The following ATP9B variants were observed in gnomAD, a reference collection of about 807,000 sequenced individuals.
The protein encoded by ATP9B is ATPase phospholipid transporting 9B, also known as probable phospholipid-transporting ATPase IIB.
A neutral mutation model predicts 146.1 loss-of-function variants in ATP9B; 110 were observed. That is an observed-to-expected ratio of 0.75 (90% confidence interval 0.65 to 0.88). The LOEUF (loss-of-function observed/expected upper bound fraction) is 0.88. ATP9B is among the 40% of genes least tolerant of loss of function. ATP9B has a pLI of 0.00. For missense variants in ATP9B, 1,499 were observed against 1,496.4 expected, an observed-to-expected ratio of 1.00 and a Z score of -0.03; for synonymous variants, 604 against 569.7, an observed-to-expected ratio of 1.06 and a Z score of -0.86.
intron 13 of ATP9B, among the ~76,000 whole-genome samples, chr18:79,280,401 G>A (rs1157214724): frequency 1.3e-5 from 2 of 151,980 alleles, no homozygotes; most frequent in African/African-American, 2.4e-5. Context: ...TTAATATTAA[G>A]CAAAATAAAC....
intron 7 of ATP9B, among the ~76,000 whole-genome samples, chr18:79,162,887 G>A (rs2094905083): frequency 6.6e-6 from 1 of 152,108 alleles, no homozygotes; most frequent in Admixed American, 6.5e-5. Context: ...TGCTCCGACG[G>A]TGTCCTGTCA....
intron 9 of ATP9B, among the ~76,000 whole-genome samples, chr18:79,198,524 G>A (rs962747170): frequency 1.3e-5 from 2 of 152,248 alleles, no homozygotes; most frequent in African/African-American, 4.8e-5. Context: ...AGACCATTTC[G>A]TCATTGTGCA....
At chr18:79,201,860 C>A (rs762284175) in intron 9 of ATP9B, among the ~76,000 whole-genome samples, 1 of 152,050 alleles carries the variant, frequency 6.6e-6, no homozygotes, top group Non-Finnish European at 1.5e-5. Context: ...TGCCCAGCCC[C>A]TGATTTCTGA....
At chr18:79,152,977 CATTTA>C (rs1415502372) in intron 6 of ATP9B, among the ~76,000 whole-genome samples, 8 of 152,194 alleles carry the variant, frequency 5.3e-5, no homozygotes, top group African/African-American at 1.7e-4. Flanking sequence ...TTAATCCTCA[CATTTA>C]ATTTCTCTCA....
At chr18:79,189,223 T>C (rs2095338491) in intron 8 of ATP9B, among the ~76,000 whole-genome samples, 1 of 152,100 alleles carries the variant, frequency 6.6e-6, no homozygotes, top group Non-Finnish European at 1.5e-5. Context: ...GGTGTGCACC[T>C]GTAATCCCAG....
chr18:79,244,822 C>T (rs146296320), intron 11 of ATP9B, among the ~76,000 whole-genome samples: 25 of 152,282 alleles, frequency 1.6e-4, no homozygotes, highest in African/African-American at 4.3e-4. Context: ...AAAGGAGATG[C>T]GTGCTCTGTA....
At chr18:79,364,756 T>C (rs913955413) in intron 26 of ATP9B, among the ~76,000 whole-genome samples, 6 of 152,184 alleles carry the variant, frequency 3.9e-5, no homozygotes, top group African/African-American at 1.2e-4. Flanking sequence ...TGCAGTGGCT[T>C]ATCATGCCTG....
chr18:79,157,739 C>T (rs1004259106), intron 7 of ATP9B, among the ~76,000 whole-genome samples: 2 of 152,106 alleles, frequency 1.3e-5, no homozygotes, highest in African/African-American at 4.8e-5. Flanking sequence ...ATAATTTGTC[C>T]ACTTTATCTA....
At chr18:79,345,753 T>C (rs2096882694) in intron 22 of ATP9B, 22 bp from the exon 23 acceptor site, 2 of 1,614,192 alleles carry the variant, frequency 1.2e-6, no homozygotes, top group Middle Eastern at 1.6e-4. Context: ...TTTTATTTCA[T>C]CTCACTTTTC....
rs187478142 is a variant in ATP9B at position 79,313,477 on chromosome 18, T to C, written c.1773+6243T>C. ...CTCAAAAATGTCATGTGATTATGTA[T>C]TGAAAAAGAAGGATTTTCCTGCCAT... On this transcript the variant is annotated intron_variant, in intron 15 of 29. Transcript: ENST00000426216. Among the ~76,000 whole-genome samples the C allele has an allele frequency of 2.2e-3, 329 of 152,326 alleles. 1 individual carries two copies. The highest frequency in any genetic ancestry group is 3.4e-3 in the Non-Finnish European group (232 of 68,026).
In ATP9B at chr18:79,374,318, G is replaced by A. The variant is rs868101061; in HGVS notation, c.3274+217G>A. ...CCCCTGACAGGAGGCGCTGAGCCCC[G>A]TCGGTCACTGGCTGGCCGGTCCCCT... On this transcript the variant is annotated intron_variant, in intron 28 of 29. Transcript: ENST00000426216. 1.2e-4 allele frequency: 58 copies of A among 493,440 alleles called. 2 individuals are homozygous for A. The highest frequency in any genetic ancestry group is 9.4e-4 in the South Asian group (44 of 47,032). The allele number at this position is 493,440 out of a possible 1,614,324, so 30.6% of individuals were successfully genotyped here. A position where few individuals can be genotyped will look rare whatever the true frequency, so the allele number is the denominator to read the frequency against.
intron 11 of ATP9B, among the ~76,000 whole-genome samples, chr18:79,231,065 G>GA (rs1331830766): frequency 6.6e-6 from 1 of 152,164 alleles, no homozygotes; most frequent in Non-Finnish European, 1.5e-5. Flanking sequence ...GATAACATTG[G>GA]AAAATCTCTT....
chr18:79,274,935 G>A (rs986631384), intron 12 of ATP9B, among the ~76,000 whole-genome samples: 2 of 152,172 alleles, frequency 1.3e-5, no homozygotes, highest in Non-Finnish European at 2.9e-5. Context: ...TAGGCCCCTC[G>A]TGATTGAGGA....
At chr18:79,145,317 T>A (rs1370666667) in intron 6 of ATP9B, 34 of 105,200 alleles carry the variant, frequency 3.2e-4, no homozygotes, top group East Asian at 1.3e-3. Flanking sequence ...ATGTCGGGGT[T>A]GCTGGCGGTG....
chr18:79,216,166 A>G (rs1028947869), intron 11 of ATP9B, among the ~76,000 whole-genome samples: 11 of 152,056 alleles, frequency 7.2e-5, no homozygotes, highest in Admixed American at 5.2e-4. Context: ...CTTCAGTTCA[A>G]CTTATTTTCT....
At position 79,347,724 on chromosome 18, in the gene ATP9B, C is replaced by T. The variant is rs114246817; in HGVS notation, c.2683-46C>T. The T allele has an allele frequency of 5.4e-4, 804 of 1,489,956 alleles. 9 individuals are homozygous for T. The African/African-American group carries it at 0.01, about 19-fold the overall frequency. 92.3% of individuals were successfully genotyped at this position (1,489,956 alleles called of 1,614,324 possible). On this transcript the variant is annotated intron_variant, in intron 23 of 29. Transcript: ENST00000426216. ...AAAACTCACTTTTGGAGTCTGATTT[C>T]CAGCGTCCGCCATGTTTGAAAAGGC...
chr18:79,337,212 C>T, intron 18 of ATP9B, 67 bp from the exon 19 acceptor site: 1 of 1,579,854 alleles, frequency 6.3e-7, no homozygotes, highest in Non-Finnish European at 8.6e-7. Context: ...CCATGCAGTC[C>T]AGCTCTGTGG....
Position 79,359,482 on chromosome 18 carries a change from T to C in ATP9B, c.3012+20T>C. 6.3e-7 allele frequency: 1 copy of C among 1,577,776 alleles called. No homozygotes were observed. The highest frequency in any genetic ancestry group is 8.7e-7 in the Non-Finnish European group (1 of 1,147,500). On this transcript the variant is annotated intron_variant, in intron 26 of 29. Coordinates refer to ENST00000426216, the MANE Select transcript of ATP9B (RefSeq NM_198531.5). Reference sequence around the variant, plus strand: ...ACCAAGGTACGGGCCTCAGGCAAGCTGTCTGCCTCACGACTAGCACCCACA... The same window carrying C: ...ACCAAGGTACGGGCCTCAGGCAAGCCGTCTGCCTCACGACTAGCACCCACA...
chr18:79,182,335 A>T (rs2095261164), intron 8 of ATP9B, among the ~76,000 whole-genome samples: 1 of 152,122 alleles, frequency 6.6e-6, no homozygotes. Flanking sequence ...TGCTGTGTGT[A>T]CTCACTTTCA....
Sources: allele counts gnomAD v4.1 joint callset (sites outside exome capture counted in the v4.1 genomes callset), GRCh38; gene constraint gnomAD v4.1.1; transcripts MANE v1.5; gene names NCBI Gene and HGNC (gene_info 2026-07-23, HGNC 2026-07-21).